The following NRK variants were observed in gnomAD, a reference collection of about 807,000 sequenced individuals.
NRK encodes the protein nik-related protein kinase.
NRK carries 67 observed loss-of-function variants against 125.2 expected under a neutral mutation model. That is an observed-to-expected ratio of 0.54 (90% CI 0.44 to 0.66). The LOEUF (loss-of-function observed/expected upper bound fraction) is 0.66, where lower values mean the gene tolerates loss of function less well. Among genes scored for constraint, NRK ranks in the 30% least tolerant of loss-of-function variants. The probability of loss-of-function intolerance (pLI) is 0.00; values close to 1 mark genes in which losing one functional copy is unlikely to be tolerated. For missense variants in NRK, 1,224 were observed against 1,192.9 expected (o/e 1.03, Z -0.38); for synonymous variants, 458 against 429.0 (o/e 1.07, Z -0.84).
intron 27 of NRK, among the ~76,000 whole-genome samples, chrX:105,950,779 A>G (rs2040885919): frequency 9.2e-6 from 1 of 109,213 alleles, no homozygotes; most frequent in African/African-American, 3.3e-5. Flanking sequence ...CCTTTGCTTT[A>G]GGTTTAGAAT....
At chrX:105,943,002 T>C (rs757753497) in intron 23 of NRK, among the ~76,000 whole-genome samples, 2 of 111,906 alleles carry the variant, frequency 1.8e-5, no homozygotes, top group Non-Finnish European at 3.8e-5. Flanking sequence ...ACTTCCTTGA[T>C]AGTTTCCCTT....
intron 9 of NRK, among the ~76,000 whole-genome samples, chrX:105,903,852 T>C (rs1859595420): frequency 1.8e-5 from 2 of 111,957 alleles, no homozygotes; most frequent in Admixed American, 1.9e-4. Flanking sequence ...TTACAATAAG[T>C]TTAAAGGACA....
chrX:105,867,947 A>G (rs770970336), intron 2 of NRK, among the ~76,000 whole-genome samples: 4 of 111,773 alleles, frequency 3.6e-5, no homozygotes, highest in Non-Finnish European at 7.5e-5. Context: ...AATACTTTCA[A>G]AGACCTTGTA....
intron 2 of NRK, among the ~76,000 whole-genome samples, chrX:105,840,590 C>T (rs1358573465): frequency 9.0e-6 from 1 of 110,795 alleles, no homozygotes; most frequent in African/African-American, 3.3e-5. Flanking sequence ...AAGTATAAAT[C>T]TCCATGGCGA....
chrX:105,951,310 C>G, intron 27 of NRK, among the ~76,000 whole-genome samples: 1 of 110,995 alleles, frequency 9.0e-6, no homozygotes, highest in Middle Eastern at 4.7e-3. Flanking sequence ...TCATAAGGGT[C>G]AAAGGGATCT....
intron 10 of NRK, 108 bp downstream of exon 10, chrX:105,905,451 A>G (rs929238564): frequency 7.0e-6 from 4 of 574,380 alleles, no homozygotes; most frequent in Middle Eastern, 6.3e-4. Context: ...CTGGTTGGAC[A>G]ATATTTCCTA....
At chrX:105,896,263 A>AATCCC (rs1175200302) in intron 7 of NRK, among the ~76,000 whole-genome samples, 1 of 112,058 alleles carries the variant, frequency 8.9e-6, no homozygotes, top group Non-Finnish European at 1.9e-5. Context: ...AGTGGCAGAT[A>AATCCC]ATCCCATGGA....
chrX:105,822,440 C>A, upstream of NRK: 1 of 173,582 alleles, frequency 5.8e-6, no homozygotes, highest in South Asian at 1.2e-4. Context: ...GCCCACCTGG[C>A]GACGTGACGC....
chrX:105,901,054 A>G (rs1460110001), intron 9 of NRK, among the ~76,000 whole-genome samples: 1 of 110,888 alleles, frequency 9.0e-6, no homozygotes, highest in Non-Finnish European at 1.9e-5. Flanking sequence ...ATTCCAGAAC[A>G]TTTACAGTCA....
At chrX:105,824,138 T>C (rs536128542) in intron 1 of NRK, among the ~76,000 whole-genome samples, 20 of 112,279 alleles carry the variant, frequency 1.8e-4, no homozygotes, top group Middle Eastern at 4.6e-3. Context: ...AATTGTTCTC[T>C]GCCATTTAAA....
intron 2 of NRK, among the ~76,000 whole-genome samples, chrX:105,841,586 G>T (rs994818059): frequency 9.0e-6 from 1 of 111,362 alleles, no homozygotes; most frequent in African/African-American, 3.3e-5. Context: ...CTGAGGGAAA[G>T]AAGATTGATT....
intron 24 of NRK, among the ~76,000 whole-genome samples, chrX:105,944,347 C>T (rs2040785552): frequency 9.0e-6 from 1 of 111,454 alleles, no homozygotes; most frequent in Non-Finnish European, 1.9e-5. Context: ...GCATACATCA[C>T]ACCTGGTTAA....
chrX:105,830,103 G>A (rs891663195), intron 1 of NRK, among the ~76,000 whole-genome samples: 18 of 108,391 alleles, frequency 1.7e-4, no homozygotes, highest in Non-Finnish European at 3.4e-4. Flanking sequence ...CAGCACTTTG[G>A]AAAGCTGAGG....
chrX:105,908,936 A>G lies in NRK; in HGVS notation c.1295A>G (p.Gln432Arg), dbSNP rs375921033. Residue 432 changes from glutamine (Q) to arginine (R), a missense_variant, in exon 13 of 29, where the codon CAG becomes CGG. Coordinates refer to ENST00000243300, the MANE Select transcript of NRK (RefSeq NM_198465.4). ...AGTGCACCTAAGCCTCTAAAGGGGC[A>G]GGCTCAGGCACCTCAACGACTACAA... The part of the protein sequence containing the change: ...LDSAPKPLKG[Q>R]AQAPQRLQGA... 16 of 1,208,709 alleles carry G rather than the reference A, an allele frequency of 1.3e-5. No individual in the cohort carries two copies. In the South Asian group the frequency reaches 2.6e-4, roughly 20 times the overall value.
rs2040864092 is a variant in NRK, at chrX:105,949,600, A to G, written c.4379A>G (p.Asn1460Ser). ...CCCCTGGAAATCATTATACCACAGA[A>G]TATCATCATTTTACCTGATTGCTTG... is the stretch of plus-strand genomic sequence containing the variant. ...KNPLEIIIPQNIIILPDCLGI... is the reference protein window; with the variant it reads ...KNPLEIIIPQSIIILPDCLGI... Residue 1460 changes from asparagine to serine, a missense_variant, in exon 27 of 29, where the codon AAT becomes AGT. Asn to Ser is a conservative substitution (Grantham distance 46). Transcript: ENST00000243300. 4.2e-6 allele frequency: 5 copies of G among 1,200,727 alleles called. No homozygotes were observed. The highest frequency in any genetic ancestry group is 5.6e-6 in the Non-Finnish European group (5 of 886,125).
chrX:105,921,890 A>T, intron 16 of NRK, 74 bp from the exon 17 acceptor site: 1 of 453,702 alleles, frequency 2.2e-6, no homozygotes, highest in Non-Finnish European at 3.8e-6. Context: ...CAAGGGATTT[A>T]ACTGATACAC....
chrX:105,866,471 A>G (rs1379762262), intron 2 of NRK, among the ~76,000 whole-genome samples: 2 of 111,184 alleles, frequency 1.8e-5, no homozygotes, highest in Non-Finnish European at 3.8e-5. Flanking sequence ...CACGTAAGGG[A>G]CATTTTGAAA....
At chrX:105,856,641 A>G (rs1290583985) in intron 2 of NRK, among the ~76,000 whole-genome samples, 1 of 111,171 alleles carries the variant, frequency 9.0e-6, no homozygotes, top group Non-Finnish European at 1.9e-5. Flanking sequence ...AGACCACTTA[A>G]TAAAGATTAA....
chrX:105,893,532 C>A (rs1008895861), intron 5 of NRK, among the ~76,000 whole-genome samples: 1 of 111,723 alleles, frequency 9.0e-6, no homozygotes, highest in South Asian at 3.7e-4. Context: ...ATGGAATGTT[C>A]TTCCTTTTAA....
Sources: gnomAD v4.1 joint callset for allele counts (sites outside exome capture counted in the v4.1 genomes callset) on GRCh38, gnomAD v4.1.1 for gene constraint, MANE v1.5 for transcripts, NCBI Gene and HGNC (gene_info 2026-07-23, HGNC 2026-07-21) for gene names.